Variants in ANO6 observed in about 807,000 individuals in gnomAD.
ANO6 encodes the protein anoctamin-6.
In ANO6, 106 loss-of-function variants were observed where a neutral mutation model predicts 117.5. The observed-to-expected ratio is 0.90, with a 90% CI of 0.77 to 1.06. ANO6 has a LOEUF of 1.06. ANO6 is among the 50% of genes least tolerant of loss of function. The pLI is 0.00. For missense variants in ANO6, 955 were observed against 1,121.1 expected (o/e 0.85, Z 2.12); for synonymous variants, 367 against 385.1 (o/e 0.95, Z 0.55).
intron 1 of ANO6, among the ~76,000 whole-genome samples, chr12:45,230,004 A>AT: frequency 6.6e-6 from 1 of 152,116 alleles, no homozygotes. Context: ...CCTTCCAATA[A>AT]TTATAAGGTA....
At position 45,398,187 on chromosome 12, in the gene ANO6, C is replaced by T. The variant is rs1338156669; in HGVS notation, c.1387-3608C>T. 4.6e-5 allele frequency among the ~76,000 whole-genome samples: 7 copies of T among 152,050 alleles called. No individual in the cohort carries two copies. In the East Asian group the frequency reaches 1.2e-3, roughly 25 times the overall value. ...GGTCAATACCTTTAATACGTGGAGT[C>T]CAGATCATCTAGAAGATAACACCAA... On this transcript the variant is annotated intron_variant, in intron 12 of 19. Coordinates refer to ENST00000320560, the MANE Select transcript of ANO6 (RefSeq NM_001025356.3).
At chr12:45,392,186 C>G (rs780026619) in intron 12 of ANO6, among the ~76,000 whole-genome samples, 1 of 152,216 alleles carries the variant, frequency 6.6e-6, no homozygotes, top group Non-Finnish European at 1.5e-5. Context: ...AACCAGCAGA[C>G]AAAGTGATTC....
intron 1 of ANO6, among the ~76,000 whole-genome samples, chr12:45,296,109 T>C (rs538150595): frequency 6.6e-6 from 1 of 152,182 alleles, no homozygotes; most frequent in African/African-American, 2.4e-5. Flanking sequence ...GATCCAACCG[T>C]GTGGTTGCTT....
At position 45,292,024 on chromosome 12, in the gene ANO6, G is replaced by A. The variant is rs115452827; in HGVS notation, c.71-9990G>A. Among the ~76,000 whole-genome samples the A allele has an allele frequency of 9.6e-3, 1,463 of 152,258 alleles. 24 individuals carry two copies. The highest frequency in any genetic ancestry group is 0.033 in the African/African-American group (1,377 of 41,538). On this transcript the variant is annotated intron_variant, in intron 1 of 19. Transcript: ENST00000320560. ...TACTTGTATAACAGTGCTCGTTGCA[G>A]CATTATTCACAATAGCCAAAAGGTG...
At chr12:45,253,189 CATG>C (rs1937686420) in intron 1 of ANO6, among the ~76,000 whole-genome samples, 1 of 152,126 alleles carries the variant, frequency 6.6e-6, no homozygotes, top group Non-Finnish European at 1.5e-5. Flanking sequence ...TATTTAATAT[CATG>C]TTTGTTTAAT....
intron 2 of ANO6, among the ~76,000 whole-genome samples, chr12:45,316,007 T>C (rs1296590417): frequency 1.3e-5 from 2 of 152,094 alleles, no homozygotes; most frequent in Non-Finnish European, 2.9e-5. Context: ...TGCCACACAC[T>C]GAGCTGTTCT....
At chr12:45,339,433 AT>A (rs1940916864) in intron 3 of ANO6, among the ~76,000 whole-genome samples, 1 of 151,984 alleles carries the variant, frequency 6.6e-6, no homozygotes, top group Non-Finnish European at 1.5e-5. Flanking sequence ...ATGGGTGTTT[AT>A]TTTTTCTTCT....
chr12:45,358,975 G>A (rs1322571263), intron 8 of ANO6, among the ~76,000 whole-genome samples: 2 of 152,046 alleles, frequency 1.3e-5, no homozygotes, highest in Non-Finnish European at 2.9e-5. Flanking sequence ...GTAGAGATGG[G>A]GTTTCACCAT....
At chr12:45,310,139 G>A (rs1400612938) in intron 2 of ANO6, among the ~76,000 whole-genome samples, 1 of 152,092 alleles carries the variant, frequency 6.6e-6, no homozygotes. Context: ...TTATGGATTT[G>A]TTAGGATTGG....
At chr12:45,331,497 G>A (rs1281471475) in intron 3 of ANO6, 74 bp downstream of exon 3, 52 of 1,311,700 alleles carry the variant, frequency 4.0e-5, no homozygotes, top group Non-Finnish European at 2.1e-6. Flanking sequence ...TTTTGTATAA[G>A]TAATAAAGTG....
At chr12:45,300,296 T>G (rs554473940) in intron 1 of ANO6, among the ~76,000 whole-genome samples, 1 of 152,270 alleles carries the variant, frequency 6.6e-6, no homozygotes, top group East Asian at 1.9e-4. Flanking sequence ...TCTTTCCACC[T>G]CAACCTCCTG....
chr12:45,229,630 C>T (rs1176290469), intron 1 of ANO6, among the ~76,000 whole-genome samples: 3 of 152,050 alleles, frequency 2.0e-5, no homozygotes, highest in African/African-American at 4.8e-5. Context: ...CCTTGTGATC[C>T]GCCTGCCTTG....
At chr12:45,250,238 A>G (rs1235895051) in intron 1 of ANO6, among the ~76,000 whole-genome samples, 4 of 152,230 alleles carry the variant, frequency 2.6e-5, no homozygotes, top group African/African-American at 9.6e-5. Flanking sequence ...CATTTCAGAC[A>G]GGTTTTTGAG....
At chr12:45,415,588 C>T (rs538465154) in intron 16 of ANO6, among the ~76,000 whole-genome samples, 65 of 152,352 alleles carry the variant, frequency 4.3e-4, no homozygotes, top group African/African-American at 1.3e-3. Context: ...TGCTGCTGCT[C>T]ATGACTCTGT....
chr12:45,378,023 A>G (rs368965381), intron 9 of ANO6, 30 bp from the exon 10 acceptor site: 131 of 1,576,908 alleles, frequency 8.3e-5, no homozygotes, highest in Non-Finnish European at 1.1e-4. Context: ...GGAGGATATG[A>G]CTCATTTATA....
intron 10 of ANO6, chr12:45,383,382 T>C (rs1198068129): frequency 6.5e-6 from 1 of 152,764 alleles, no homozygotes; most frequent in African/African-American, 2.4e-5. Context: ...TCTAAACTTC[T>C]GTTAATGTTG....
intron 1 of ANO6, among the ~76,000 whole-genome samples, chr12:45,269,519 G>C (rs1038486309): frequency 1.3e-5 from 2 of 152,192 alleles, no homozygotes; most frequent in African/African-American, 2.4e-5. Flanking sequence ...TTTAGCAACA[G>C]ATTTAAAAGG....
chr12:45,382,377 C>T (rs1173034820), intron 10 of ANO6, among the ~76,000 whole-genome samples: 1 of 152,110 alleles, frequency 6.6e-6, no homozygotes, highest in East Asian at 1.9e-4. Flanking sequence ...TGTCAAAGTG[C>T]AACAAGATTT....
intron 1 of ANO6, among the ~76,000 whole-genome samples, chr12:45,219,970 C>G (rs1335048814): frequency 6.6e-6 from 1 of 152,172 alleles, no homozygotes; most frequent in African/African-American, 2.4e-5. Flanking sequence ...TTGTGTGCTA[C>G]CCTGCCAAGT....
Sources: allele counts gnomAD v4.1 joint callset (sites outside exome capture counted in the v4.1 genomes callset), GRCh38; gene constraint gnomAD v4.1.1; transcripts MANE v1.5; gene names NCBI Gene and HGNC (gene_info 2026-07-23, HGNC 2026-07-21).